Variants in ULK4 observed in about 807,000 individuals in gnomAD.
The protein encoded by ULK4 is inactive serine/threonine-protein kinase ULK4.
A neutral mutation model predicts 160.6 loss-of-function variants in ULK4; 133 were observed. The ratio of observed to expected loss-of-function variants is 0.83; its 90% CI spans 0.72 to 0.96. ULK4 has a LOEUF of 0.96. Among genes scored for constraint, ULK4 ranks in the 40% least tolerant of loss-of-function variants. The probability of loss-of-function intolerance (pLI) is 0.00; values close to 1 mark genes in which losing one functional copy is unlikely to be tolerated. For missense variants in ULK4, 1,580 were observed against 1,499.5 expected (o/e 1.05, Z -0.89); for synonymous variants, 534 against 539.8 (o/e 0.99, Z 0.15).
chr3:41,716,906 T>C (rs1559504803), intron 23 of ULK4, among the ~76,000 whole-genome samples: 1 of 152,202 alleles, frequency 6.6e-6, no homozygotes. Flanking sequence ...GAACTTTAAA[T>C]GAATATCAAA....
At chr3:41,432,878 C>A (rs1489309245) in intron 34 of ULK4, among the ~76,000 whole-genome samples, 1 of 149,578 alleles carries the variant, frequency 6.7e-6, no homozygotes, top group Admixed American at 6.6e-5. Flanking sequence ...CTGAACAAAT[C>A]AAATAAACGT....
At chr3:41,848,779 T>C (rs1194412552) in intron 17 of ULK4, among the ~76,000 whole-genome samples, 1 of 152,196 alleles carries the variant, frequency 6.6e-6, no homozygotes, top group African/African-American at 2.4e-5. Flanking sequence ...CAATCTTCTC[T>C]TGGAGCCTTT....
At chr3:41,491,909 G>A (rs1047198800) in intron 32 of ULK4, among the ~76,000 whole-genome samples, 1 of 144,372 alleles carries the variant, frequency 6.9e-6, no homozygotes, top group Non-Finnish European at 1.5e-5. Context: ...AGTCCCCAGA[G>A]TATGATGTTC....
At chr3:41,868,251 T>C (rs1408778014) in intron 17 of ULK4, among the ~76,000 whole-genome samples, 1 of 152,192 alleles carries the variant, frequency 6.6e-6, no homozygotes, top group Non-Finnish European at 1.5e-5. Context: ...TTTTCTTTCA[T>C]ATATTTTAAA....
intron 3 of ULK4, among the ~76,000 whole-genome samples, chr3:41,936,568 AT>A (rs1476761152): frequency 6.6e-6 from 1 of 152,190 alleles, no homozygotes; most frequent in Non-Finnish European, 1.5e-5. Flanking sequence ...CATATACACA[AT>A]GGAGTACTAT....
chr3:41,472,714 T>C (rs1019955769), intron 32 of ULK4, among the ~76,000 whole-genome samples: 1 of 152,012 alleles, frequency 6.6e-6, no homozygotes, highest in African/African-American at 2.4e-5. Context: ...CTAATACCAA[T>C]CCTTCACAAA....
intron 22 of ULK4, among the ~76,000 whole-genome samples, chr3:41,741,055 T>C (rs1458861497): frequency 6.6e-6 from 1 of 151,970 alleles, no homozygotes; most frequent in Non-Finnish European, 1.5e-5. Context: ...GATGTGAACT[T>C]TCACTGCCTC....
At chr3:41,759,411 G>A (rs527249195) in intron 21 of ULK4, among the ~76,000 whole-genome samples, 1 of 152,190 alleles carries the variant, frequency 6.6e-6, no homozygotes, top group South Asian at 2.1e-4. Context: ...CAACAAAGAA[G>A]TATTGCTTTC....
At chr3:41,517,499 T>G (rs773482985) in intron 32 of ULK4, among the ~76,000 whole-genome samples, 3 of 152,170 alleles carry the variant, frequency 2.0e-5, no homozygotes, top group African/African-American at 4.8e-5. Context: ...CCTCACCAGA[T>G]AGCAAATCTG....
intron 34 of ULK4, among the ~76,000 whole-genome samples, chr3:41,451,652 T>C (rs548293490): frequency 2.0e-5 from 3 of 152,146 alleles, no homozygotes; most frequent in South Asian, 2.1e-4. Context: ...GCCAGAATCG[T>C]ATGATATTCC....
intron 21 of ULK4, among the ~76,000 whole-genome samples, chr3:41,780,148 C>T (rs1437453913): frequency 6.6e-6 from 1 of 151,390 alleles, no homozygotes; most frequent in African/African-American, 2.4e-5. Flanking sequence ...CCAGTCTCTA[C>T]CGAAAATACA....
chr3:41,704,918 T>C (rs1442267772), intron 27 of ULK4, 139 bp downstream of exon 27: 1 of 584,302 alleles, frequency 1.7e-6, no homozygotes, highest in Non-Finnish European at 2.9e-6. Context: ...ATGTTCATCC[T>C]GCCAGGGTAG....
At chr3:41,755,165 G>T (rs749504017) in intron 21 of ULK4, among the ~76,000 whole-genome samples, 1 of 152,018 alleles carries the variant, frequency 6.6e-6, no homozygotes, top group Admixed American at 6.5e-5. Flanking sequence ...TCAGAAATAC[G>T]GAATCGTAAT....
rs1443045657 is a variant in ULK4, at chr3:41,774,796, C to G, written c.2193+14865G>C. Among the ~76,000 whole-genome samples, 29 of 150,730 alleles carry G rather than the reference C, an allele frequency of 1.9e-4. 4 individuals are homozygous for G. The highest frequency in any genetic ancestry group is 7.0e-4 in the African/African-American group (28 of 40,096). On this transcript the variant is annotated intron_variant, in intron 21 of 36. Transcript: ENST00000301831. ...CACATATGTTTATTGCGGCACTACT[C>G]ACAATAGCAAAAACTTGGAACCAAC... is the stretch of plus-strand genomic sequence containing the variant.
chr3:41,455,673 C>G (rs367968820), intron 33 of ULK4, 78 bp from the exon 34 acceptor site: 3 of 1,339,326 alleles, frequency 2.2e-6, no homozygotes, highest in Non-Finnish European at 2.1e-6. Context: ...ACCACTCCAT[C>G]GGGCAGACAC....
intron 35 of ULK4, among the ~76,000 whole-genome samples, chr3:41,274,446 G>A (rs956655539): frequency 4.6e-5 from 7 of 152,130 alleles, no homozygotes; most frequent in South Asian, 2.1e-4. Context: ...TGTGCTCTGC[G>A]CTGCCCACTT....
intron 30 of ULK4, 117 bp downstream of exon 30, chr3:41,663,490 G>A (rs888233356): frequency 2.4e-5 from 22 of 935,216 alleles, no homozygotes; most frequent in South Asian, 4.8e-5. Context: ...AAAAAATGAC[G>A]ATTTTGACAA....
At chr3:41,948,323 C>T (rs1263962141) in intron 2 of ULK4, among the ~76,000 whole-genome samples, 3 of 152,004 alleles carry the variant, frequency 2.0e-5, no homozygotes, top group African/African-American at 4.8e-5. Flanking sequence ...TGGTAATGTG[C>T]ACCTGTAATC....
At chr3:41,482,499 C>G (rs2084363872) in intron 32 of ULK4, among the ~76,000 whole-genome samples, 1 of 152,170 alleles carries the variant, frequency 6.6e-6, no homozygotes, top group Non-Finnish European at 1.5e-5. Flanking sequence ...CCAGATGTAC[C>G]TGGGACATAA....
Sources: gnomAD v4.1 joint callset for allele counts (sites outside exome capture counted in the v4.1 genomes callset) on GRCh38, gnomAD v4.1.1 for gene constraint, MANE v1.5 for transcripts, NCBI Gene and HGNC (gene_info 2026-07-23, HGNC 2026-07-21) for gene names.